Variants in SLC5A5 observed in about 807,000 individuals in gnomAD.
The protein encoded by SLC5A5 is sodium/iodide cotransporter.
A neutral mutation model predicts 68.6 loss-of-function variants in SLC5A5; 56 were observed. The ratio of observed to expected loss-of-function variants is 0.82; its 90% confidence interval spans 0.66 to 1.02. The LOEUF is 1.02. Among genes scored for constraint, SLC5A5 ranks in the 50% least tolerant of loss-of-function variants. The pLI, the probability that SLC5A5 is intolerant of heterozygous loss-of-function variation, is 0.00. For synonymous variants in SLC5A5, 398 were observed against 373.0 expected (o/e 1.07, Z -0.77); for missense variants, 807 against 859.8 (o/e 0.94, Z 0.77).
At chr19:17,887,519 C>G (rs531356795) in intron 12 of SLC5A5, among the ~76,000 whole-genome samples, 1 of 151,910 alleles carries the variant, frequency 6.6e-6, no homozygotes, top group Admixed American at 6.6e-5. Flanking sequence ...GGTTTCAACT[C>G]CTGACCTCAG....
chr19:17,882,087 G>C lies in SLC5A5; in HGVS notation c.1171+15G>C. The C allele has an allele frequency of 6.2e-7, 1 of 1,612,940 alleles. No homozygotes were observed. The highest frequency in any genetic ancestry group is 8.5e-7 in the Non-Finnish European group (1 of 1,178,872). On this transcript the variant is annotated intron_variant, in intron 9 of 14. Coordinates refer to ENST00000222248, the MANE Select transcript of SLC5A5 (RefSeq NM_000453.3). ...CAAGGGGCTCTGTGAGTTTCAGGGA[G>C]ACCTGGGTGGGAGGCCAGGGCAGTC...
intron 7 of SLC5A5, among the ~76,000 whole-genome samples, chr19:17,879,823 G>A (rs1196028267): frequency 1.3e-5 from 2 of 152,120 alleles, no homozygotes; most frequent in South Asian, 4.1e-4. Context: ...TGGGGCTCAG[G>A]GACAATTCTC....
chr19:17,885,831 T>A (rs1055925048), intron 12 of SLC5A5, among the ~76,000 whole-genome samples: 5 of 152,118 alleles, frequency 3.3e-5, no homozygotes, highest in Non-Finnish European at 5.9e-5. Context: ...AATGGAATCA[T>A]AAAATATGTG....
At chr19:17,884,090 T>C (rs779731905) in intron 12 of SLC5A5, 44 bp downstream of exon 12, 216 of 1,479,302 alleles carry the variant, frequency 1.5e-4, no homozygotes, top group Non-Finnish European at 1.9e-4. Context: ...CCCTGGATGG[T>C]GTGATCTTGA....
Position 17,883,737 on chromosome 19 carries a change from G to A in SLC5A5, c.1299G>A (p.Leu433=). 4 of 1,613,516 alleles carry A rather than the reference G, an allele frequency of 2.5e-6. No homozygotes were observed. The South Asian group carries it at 4.4e-5, about 18-fold the overall frequency. The change falls in exon 11 of 15, where the codon TTG becomes TTA. Residue 433 remains leucine (L), a synonymous_variant. Coordinates refer to ENST00000222248, the MANE Select transcript of SLC5A5 (RefSeq NM_000453.3). ...ISGPLLGAFI[L]GMFLPACNTP... The stretch of plus-strand genomic sequence containing the variant: ...GCCCCCTGCTGGGAGCCTTCATCTT[G>A]GGAATGTTCCTGCCGGCCTGCAACA...
In SLC5A5 at chr19:17,893,959, G is replaced by A. The variant is rs1333770792; in HGVS notation, c.*82G>A. On this transcript the variant is annotated 3_prime_UTR_variant, in exon 15 of 15. Coordinates refer to ENST00000222248, the MANE Select transcript of SLC5A5 (RefSeq NM_000453.3). ...CCCAGACAACGGGCCCATGGCCTTG[G>A]GCTCTGATTGGCTGGATTGCCTTGT... is the stretch of plus-strand genomic sequence containing the variant. 2 of 1,315,014 alleles carry A rather than the reference G, an allele frequency of 1.5e-6. No individual in the cohort carries two copies. Among genetic ancestry groups the A allele is most frequent in the Admixed American group, 2.0e-5 (1 of 50,624 alleles). The allele number at this position is 1,315,014 out of a possible 1,614,324, so 81.5% of individuals were successfully genotyped here. A position where few individuals can be genotyped will look rare whatever the true frequency, so the allele number is the denominator to read the frequency against.
At chr19:17,872,951 C>T (rs1007938535) in intron 1 of SLC5A5, among the ~76,000 whole-genome samples, 1 of 152,198 alleles carries the variant, frequency 6.6e-6, no homozygotes, top group South Asian at 2.1e-4. Flanking sequence ...CCAGGTGTGT[C>T]CTCACGGGTG....
Position 17,874,162 on chromosome 19 carries a change from G to T in SLC5A5, c.382G>T (p.Ala128Ser), listed in dbSNP as rs1455835176. The T allele has an allele frequency of 1.9e-6, 3 of 1,612,264 alleles. No homozygotes were observed. The highest frequency in any genetic ancestry group is 2.5e-6 in the Non-Finnish European group (3 of 1,178,870). ...GTACCTGGAGATGCGCTTCAGCCGC[G>T]CAGTGCGGCTCTGCGGGACTTTGCA... is the stretch of plus-strand genomic sequence containing the variant. ...YEYLEMRFSR[A>S]VRLCGTLQYI... Residue 128 changes from alanine to serine, a missense_variant, in exon 2 of 15, where the codon GCA (alanine) becomes TCA (serine). Ala to Ser is a moderately conservative substitution (Grantham distance 99, BLOSUM62 1). Coordinates refer to ENST00000222248, the MANE Select transcript of SLC5A5 (RefSeq NM_000453.3).
intron 9 of SLC5A5, 29 bp from the exon 10 acceptor site, chr19:17,882,120 G>A (rs373905923): frequency 1.3e-4 from 213 of 1,613,164 alleles, no homozygotes; most frequent in Admixed American, 6.8e-4. Flanking sequence ...GTCCCTCCCC[G>A]TTGACCGTGC....
Position 17,891,008 on chromosome 19 carries a change from C to G in SLC5A5, c.1767+7C>G. Reference sequence around the variant, plus strand: ...GGATGACAACTTGGTCAAGGTCAGTCTTAGGCTGGGTTCCCAGATCTAGAG... The same window carrying G: ...GGATGACAACTTGGTCAAGGTCAGTGTTAGGCTGGGTTCCCAGATCTAGAG... On this transcript the variant is annotated splice_region_variant and intron_variant, in intron 14 of 14. Coordinates refer to ENST00000222248, the MANE Select transcript of SLC5A5 (RefSeq NM_000453.3). The G allele has an allele frequency of 1.3e-6, 2 of 1,583,904 alleles. No individual in the cohort carries two copies. The highest frequency in any genetic ancestry group is 1.7e-4 in the Middle Eastern group (1 of 5,998).
In SLC5A5 at chr19:17,883,860, C is replaced by T. The variant is rs577079350; in HGVS notation, c.1340C>T (p.Ala447Val). The T allele has an allele frequency of 2.5e-6, 4 of 1,591,894 alleles. No homozygotes were observed. Among genetic ancestry groups the T allele is most frequent in the Non-Finnish European group, 3.4e-6 (4 of 1,170,352 alleles). Residue 447 changes from alanine (A) to valine (V), a missense_variant, in exon 12 of 15, where the codon GCG becomes GTG. Coordinates refer to ENST00000222248, the MANE Select transcript of SLC5A5 (RefSeq NM_000453.3). ...CGGCTCTGCCCCCAGGGCGTCCTCG[C>T]GGGACTAGGCGCGGGCTTGGCGCTG... ...LPACNTPGVL[A>V]GLGAGLALSL...
chr19:17,881,189 C>T (rs1183989818), intron 8 of SLC5A5, among the ~76,000 whole-genome samples: 3 of 152,010 alleles, frequency 2.0e-5, no homozygotes, highest in Non-Finnish European at 2.9e-5. Context: ...CCTGACTCTC[C>T]TCTCTTCTTC....
chr19:17,892,652 CAGAGAGAGAGAGAGAGAGAGAGAG>C (rs58081153), intron 14 of SLC5A5, among the ~76,000 whole-genome samples: 16 of 97,338 alleles, frequency 1.6e-4, no homozygotes, highest in African/African-American at 4.9e-4. Context: ...AAAGAAAAGA[CAGAGAGAGAGAGAGAGAGAGAGAG>C]AGAGAGAGAG....
rs183565933 is a variant in SLC5A5, at chr19:17,893,642, G to A, written c.1768-71G>A. On this transcript the variant is annotated intron_variant, in intron 14 of 14. Coordinates refer to ENST00000222248, the MANE Select transcript of SLC5A5 (RefSeq NM_000453.3). ...GCCAGGTCATCAGTAGCCCATCTGGGAGATGAGCTGACACGGAACAGGGTG... is the reference window on the plus strand; with the variant it reads ...GCCAGGTCATCAGTAGCCCATCTGGAAGATGAGCTGACACGGAACAGGGTG... The A allele has an allele frequency of 1.8e-4, 258 of 1,467,202 alleles. No individual in the cohort carries two copies. The African/African-American group carries it at 3.4e-3, about 20-fold the overall frequency. 90.9% of individuals were successfully genotyped at this position (1,467,202 alleles called of 1,614,324 possible).
At chr19:17,888,588 C>CTTATTATTATTATTA (rs10651875) in intron 13 of SLC5A5, 133 bp downstream of exon 13, 8 of 469,490 alleles carry the variant, frequency 1.7e-5, no homozygotes, top group African/African-American at 7.9e-5. Flanking sequence ...ACATTTGTAC[C>CTTATTATTATTATTA]TTATTATTAT....
At chr19:17,873,128 T>G (rs183257218) in intron 1 of SLC5A5, among the ~76,000 whole-genome samples, 8 of 152,286 alleles carry the variant, frequency 5.3e-5, no homozygotes, top group Admixed American at 4.6e-4. Context: ...ATGGGCGAAT[T>G]ACAGGACCTC....
intron 5 of SLC5A5, among the ~76,000 whole-genome samples, chr19:17,877,034 A>T (rs369042331): frequency 4.8e-5 from 7 of 146,326 alleles, no homozygotes; most frequent in African/African-American, 1.7e-4. Context: ...TCCATCTTTA[A>T]AAAAAAAAAA....
intron 13 of SLC5A5, among the ~76,000 whole-genome samples, chr19:17,890,225 C>G (rs1170690238): frequency 1.3e-5 from 2 of 152,086 alleles, no homozygotes; most frequent in Non-Finnish European, 2.9e-5. Context: ...CGCCCACCCC[C>G]ACGCCTGGCT....
Position 17,894,728 on chromosome 19 carries a change from T to C in SLC5A5, c.*851T>C, listed in dbSNP as rs2147760703. ...CACACACCTGCCATGGCTCCCATCA[T>C]CCTGAGCATGCTAGCGTCCCCTCCT... On this transcript the variant is annotated 3_prime_UTR_variant, in exon 15 of 15. Coordinates refer to ENST00000222248, the MANE Select transcript of SLC5A5 (RefSeq NM_000453.3). 6.6e-6 allele frequency: 1 copy of C among 152,422 alleles called. No homozygotes were observed. Among genetic ancestry groups the C allele is most frequent in the East Asian group, 1.9e-4 (1 of 5,176 alleles). The allele number at this position is 152,422 out of a possible 1,614,324, so 9.4% of individuals were successfully genotyped here.
Sources: gnomAD v4.1 joint callset for allele counts (sites outside exome capture counted in the v4.1 genomes callset) on GRCh38, gnomAD v4.1.1 for gene constraint, MANE v1.5 for transcripts, NCBI Gene and HGNC (gene_info 2026-07-23, HGNC 2026-07-21) for gene names.